C14orf39: variants seen among roughly 807,000 people sequenced by gnomAD.
C14orf39 encodes the protein chromosome 14 open reading frame 39.
In C14orf39, 66 loss-of-function variants were observed where a neutral mutation model predicts 85.6. The ratio of observed to expected loss-of-function variants is 0.77; its 90% CI spans 0.63 to 0.95. The LOEUF is 0.95. Among genes scored for constraint, C14orf39 ranks in the 40% least tolerant of loss-of-function variants. The pLI, the probability that C14orf39 is intolerant of heterozygous loss-of-function variation, is 0.00. For missense variants in C14orf39, 735 were observed against 663.9 expected (o/e 1.11, Z -1.18); for synonymous variants, 242 against 214.0 (o/e 1.13, Z -1.14).
intron 1 of C14orf39, chr14:60,499,573 T>C (rs549928146): frequency 1.6e-4 from 24 of 152,372 alleles, no homozygotes; most frequent in African/African-American, 5.0e-4. Context: ...TTAAAATGTT[T>C]TTAATCTAAG....
rs60206941 is a variant in C14orf39, at chr14:60,482,879, GGT to G, written c.233+810_233+811del. ...AAAAGGAAATACAGCTATATAGACA[GGT>G]GTGTGTGTGTGTGTGTGTGTGTGTG... is the stretch of plus-strand genomic sequence containing the variant. On this transcript the variant is annotated intron_variant, in intron 4 of 17. Transcript: ENST00000321731. 6.0e-3 allele frequency among the ~76,000 whole-genome samples: 874 copies of G among 146,710 alleles called. 9 individuals carry two copies. The highest frequency in any genetic ancestry group is 0.021 in the East Asian group (103 of 4,982).
At chr14:60,507,701 G>A (rs913180429) in intron 1 of C14orf39, among the ~76,000 whole-genome samples, 50 of 152,046 alleles carry the variant, frequency 3.3e-4, no homozygotes, top group Non-Finnish European at 5.4e-4. Context: ...CCAACCATCT[G>A]TGCTATCTAT....
In C14orf39 at chr14:60,511,827, C is replaced by T. The variant is rs554307113; in HGVS notation, c.-144+3568G>A. 3.1e-5 allele frequency: 5 copies of T among 160,602 alleles called. No homozygotes were observed. In the South Asian group the frequency reaches 6.9e-4, roughly 22 times the overall value. The allele number at this position is 160,602 out of a possible 1,614,324, so 9.9% of individuals were successfully genotyped here. On this transcript the variant is annotated intron_variant, in intron 1 of 5. Coordinates refer to the C14orf39 transcript ENST00000556799. ...AATTAAGGGAGCTGCTCTCAGATTC[C>T]TTTTCTTCTTATTATTATTAATATC...
At position 60,484,913 on chromosome 14, in the gene C14orf39, C is replaced by G. The variant is rs1278295288; in HGVS notation, c.74G>C (p.Ser25Thr). Residue 25 changes from serine (S) to threonine (T), a missense_variant, in exon 3 of 18, where the codon AGT (serine) becomes ACT (threonine). Transcript: ENST00000321731. The surrounding 1 kb of genome is among the most constrained non-coding windows in gnomAD (Gnocchi z 4.2). The stretch of plus-strand genomic sequence containing the variant: ...TCTTTGAATCATCTCTTCTTTAGTA[C>G]TTATGTCTTGCTCATACTGGAAGAC... ...EFVFQYEQDI[S>T]TKEEMIQRIN... The G allele has an allele frequency of 6.4e-7, 1 of 1,571,230 alleles. No individual in the cohort carries two copies. The highest frequency in any genetic ancestry group is 1.4e-5 in the African/African-American group (1 of 72,846).
At chr14:60,445,443 C>T (rs1383364105) in intron 16 of C14orf39, among the ~76,000 whole-genome samples, 5 of 152,040 alleles carry the variant, frequency 3.3e-5, no homozygotes, top group Non-Finnish European at 7.4e-5. Flanking sequence ...GACTTTAAAC[C>T]AACAAAGATC....
intron 13 of C14orf39, among the ~76,000 whole-genome samples, chr14:60,460,095 T>C (rs745753354): frequency 6.0e-5 from 9 of 151,106 alleles, no homozygotes; most frequent in Non-Finnish European, 1.0e-4. Context: ...ATTTAAGTCA[T>C]AGGTATTATT....
At position 60,457,010 on chromosome 14, in the gene C14orf39, G is replaced by A; in HGVS notation, c.1265C>T (p.Ser422Phe). The part of the protein sequence containing the change: ...EERAENFPRT[S>F]EIPIFLGTPK... ...AGTTCCTAAAAATATAGGAATTTCAGACGTTCGTGGAAAATTCTCAGCTCT... is the reference window on the plus strand; with the variant it reads ...AGTTCCTAAAAATATAGGAATTTCAAACGTTCGTGGAAAATTCTCAGCTCT... Residue 422 changes from serine (S) to phenylalanine (F), a missense_variant, in exon 15 of 18, where the codon TCT (serine) becomes TTT (phenylalanine). Coordinates refer to ENST00000321731, the MANE Select transcript of C14orf39 (RefSeq NM_174978.3). 1 of 1,610,990 alleles carries A rather than the reference G, an allele frequency of 6.2e-7. No homozygotes were observed. The highest frequency in any genetic ancestry group is 8.5e-7 in the Non-Finnish European group (1 of 1,178,320).
In C14orf39 at chr14:60,457,105, C is replaced by T. The variant is rs114193435; in HGVS notation, c.1180-10G>A. The T allele has an allele frequency of 6.9e-4, 1,048 of 1,514,526 alleles. 11 individuals are homozygous for T. The African/African-American group carries it at 0.012, about 17-fold the overall frequency. The allele number at this position is 1,514,526 out of a possible 1,614,324, so 93.8% of individuals were successfully genotyped here. A position where few individuals can be genotyped will look rare whatever the true frequency, so the allele number is the denominator to read the frequency against. On this transcript the variant is annotated splice_polypyrimidine_tract_variant and intron_variant, in intron 14 of 17. Transcript: ENST00000321731. ...GTTCAGTATATATAGCCTGCAAATT[C>T]AAAGTAACAGAAAACTATAAAACAA...
At chr14:60,503,504 A>T (rs1893170611) in intron 1 of C14orf39, among the ~76,000 whole-genome samples, 1 of 152,234 alleles carries the variant, frequency 6.6e-6, no homozygotes, top group South Asian at 2.1e-4. Context: ...TAATGGATAC[A>T]AGTTTGAGTC....
Position 60,436,840 on chromosome 14 carries a change from C to CT in C14orf39, c.*4dup. On this transcript the variant is annotated 3_prime_UTR_variant, in exon 18 of 18. Coordinates refer to ENST00000321731, the MANE Select transcript of C14orf39 (RefSeq NM_174978.3). The stretch of plus-strand genomic sequence containing the variant: ...GTAAAATAATTTAAGGAATTAATGA[C>CT]TAGCTCAAAAAAAAGTAAACTGTGT... 1.9e-6 allele frequency: 3 copies of CT among 1,578,240 alleles called. No individual in the cohort carries two copies. Among genetic ancestry groups the CT allele is most frequent in the Non-Finnish European group, 2.6e-6 (3 of 1,153,312 alleles).
At chr14:60,450,953 A>T (rs1379883544) in intron 16 of C14orf39, among the ~76,000 whole-genome samples, 1 of 152,200 alleles carries the variant, frequency 6.6e-6, no homozygotes, top group Non-Finnish European at 1.5e-5. Flanking sequence ...TTGGAGCCCA[A>T]GTCCCTTTGA....
chr14:60,453,304 A>G (rs530257756), intron 16 of C14orf39, among the ~76,000 whole-genome samples: 5 of 152,008 alleles, frequency 3.3e-5, no homozygotes, highest in Non-Finnish European at 7.4e-5. Context: ...ATCTTTATGA[A>G]ACGTCCCTCT....
intron 5 of C14orf39, among the ~76,000 whole-genome samples, chr14:60,474,616 GTTGAATT>G (rs1212856770): frequency 4.6e-5 from 7 of 152,282 alleles, no homozygotes; most frequent in Non-Finnish European, 1.0e-4. Flanking sequence ...ATGAAGCGTT[GTTGAATT>G]TTATCAAAGG....
chr14:60,437,709 T>C (rs1890322759), intron 17 of C14orf39, among the ~76,000 whole-genome samples: 1 of 151,950 alleles, frequency 6.6e-6, no homozygotes, highest in Non-Finnish European at 1.5e-5. Context: ...ATAGTGATGG[T>C]AATGGAGGAA....
In C14orf39 at chr14:60,465,960, C is replaced by T. The variant is rs1416510568; in HGVS notation, c.972+19G>A. The T allele has an allele frequency of 1.4e-6, 2 of 1,440,630 alleles. No homozygotes were observed. The highest frequency in any genetic ancestry group is 9.4e-7 in the Non-Finnish European group (1 of 1,064,844). The allele number at this position is 1,440,630 out of a possible 1,614,324, so 89.2% of individuals were successfully genotyped here. A position where few individuals can be genotyped will look rare whatever the true frequency, so the allele number is the denominator to read the frequency against. On this transcript the variant is annotated intron_variant, in intron 11 of 17. Transcript: ENST00000321731. Reference sequence around the variant, plus strand: ...GCAAGCAGGTATTTAATTTATACTACTAAAAGTGAGACACCTACCTGTGTA... The same window carrying T: ...GCAAGCAGGTATTTAATTTATACTATTAAAAGTGAGACACCTACCTGTGTA...
chr14:60,458,878 C>T, intron 13 of C14orf39, 139 bp from the exon 14 acceptor site: 1 of 576,876 alleles, frequency 1.7e-6, no homozygotes, highest in South Asian at 2.5e-5. Flanking sequence ...CAACATAATA[C>T]ATACAGATAA....
intron 15 of C14orf39, 61 bp from the exon 16 acceptor site, chr14:60,455,206 A>C (rs1891214561): frequency 1.7e-6 from 2 of 1,194,492 alleles, no homozygotes; most frequent in African/African-American, 3.2e-5. Context: ...AATACTGGTA[A>C]GCATCATAAG....
In C14orf39 at chr14:60,485,063, A is replaced by T. The variant is rs746376112; in HGVS notation, c.16T>A (p.Phe6Ile). 3 of 1,609,010 alleles carry T rather than the reference A, an allele frequency of 1.9e-6. No homozygotes were observed. In the African/African-American group the frequency reaches 4.0e-5, roughly 22 times the overall value. Reference sequence around the variant, plus strand: ...AGCAAAAGTCTGTCCAAACTGACAAACAGGCTGTCATTCATCTTGGATACT... The same window carrying T: ...AGCAAAAGTCTGTCCAAACTGACAATCAGGCTGTCATTCATCTTGGATACT... MNDSL[F>I]VSLDRLLLEF... is the part of the protein sequence containing the mutation. The change falls in exon 2 of 18, where the codon TTT becomes ATT. Residue 6 changes from phenylalanine to isoleucine, a missense_variant. Coordinates refer to ENST00000321731, the MANE Select transcript of C14orf39 (RefSeq NM_174978.3).
At position 60,451,591 on chromosome 14, in the gene C14orf39, A is replaced by G. The variant is rs192842828; in HGVS notation, c.1503+3410T>C. ...TCTGAGCAAACTATCACAAGGACAGAAAACTAAACACCGCATGTTCTCACT... is the reference window on the plus strand; with the variant it reads ...TCTGAGCAAACTATCACAAGGACAGGAAACTAAACACCGCATGTTCTCACT... On this transcript the variant is annotated intron_variant, in intron 16 of 17. Coordinates refer to ENST00000321731, the MANE Select transcript of C14orf39 (RefSeq NM_174978.3). Among the ~76,000 whole-genome samples, 522 of 151,928 alleles carry G rather than the reference A, an allele frequency of 3.4e-3. 3 individuals carry two copies. Among genetic ancestry groups the G allele is most frequent in the African/African-American group, 0.012 (487 of 41,466 alleles).
Sources: gnomAD v4.1 joint callset for allele counts (sites outside exome capture counted in the v4.1 genomes callset) on GRCh38, gnomAD v4.1.1 for gene constraint, Gnocchi (gnomAD v3.1) non-coding constraint, MANE v1.5 for transcripts, NCBI Gene and HGNC (gene_info 2026-07-23, HGNC 2026-07-21) for gene names.